AKAP13: variants seen among roughly 807,000 people sequenced by gnomAD.
AKAP13 encodes the protein A-kinase anchor protein 13.
Under a neutral mutation model 264.5 loss-of-function variants are expected in AKAP13, and 80 were observed. The ratio of observed to expected loss-of-function variants is 0.30; its 90% CI spans 0.25 to 0.36. The LOEUF is 0.36. Ranked by LOEUF, AKAP13 falls within the 10% of genes least tolerant of loss-of-function variation. AKAP13 has a pLI of 1.00. For synonymous variants in AKAP13, 1,380 were observed against 1,250.2 expected (o/e 1.10, Z -2.19); for missense variants, 3,712 against 3,435.2 (o/e 1.08, Z -2.01).
At chr15:85,734,843 G>C (rs1459487979) in intron 30 of AKAP13, 149 bp from the exon 31 acceptor site, 10 of 1,037,428 alleles carry the variant, frequency 9.6e-6, no homozygotes, top group African/African-American at 1.6e-5. Context: ...CATACCCTGA[G>C]CTGAGACCCT....
intron 1 of AKAP13, among the ~76,000 whole-genome samples, chr15:85,456,679 TAGC>T (rs772958229): frequency 9.2e-5 from 14 of 151,542 alleles, no homozygotes; most frequent in Non-Finnish European, 1.9e-4. Context: ...GCCTCCCGAG[TAGC>T]TGGGACTACA....
chr15:85,499,158 A>C (rs886327975), intron 2 of AKAP13, among the ~76,000 whole-genome samples: 1 of 152,210 alleles, frequency 6.6e-6, no homozygotes, highest in Non-Finnish European at 1.5e-5. Flanking sequence ...TAGCTTCCTG[A>C]GTAAATTATC....
intron 1 of AKAP13, among the ~76,000 whole-genome samples, chr15:85,443,780 T>A (rs1393719660): frequency 6.6e-6 from 1 of 150,748 alleles, no homozygotes; most frequent in Non-Finnish European, 1.5e-5. Context: ...AAAGTGTGTG[T>A]GTGTGTGTGT....
At chr15:85,617,664 A>C (rs1204037576) in intron 8 of AKAP13, among the ~76,000 whole-genome samples, 5 of 152,216 alleles carry the variant, frequency 3.3e-5, no homozygotes, top group Non-Finnish European at 5.9e-5. Flanking sequence ...TGAGGAACAA[A>C]CCATATTGAG....
rs34563964 is a variant in AKAP13, at chr15:85,692,110, A to G, written c.5290-1167A>G. ...CTTCCTGTCATCCGTGCATTCTCCT[A>G]TCCTCCCTGCCCTGCACCGTTGTCC... On this transcript the variant is annotated intron_variant, in intron 16 of 36. Transcript: ENST00000394518. Among the ~76,000 whole-genome samples the G allele has an allele frequency of 2.0e-3, 297 of 152,156 alleles. 1 individual carries two copies. Among genetic ancestry groups the G allele is most frequent in the Non-Finnish European group, 3.1e-3 (213 of 67,988 alleles).
At chr15:85,735,409 A>G (rs2088381476) in intron 31 of AKAP13, 151 bp from the exon 32 acceptor site, 1 of 849,142 alleles carries the variant, frequency 1.2e-6, no homozygotes, top group Non-Finnish European at 1.8e-6. Flanking sequence ...ATTATTAATA[A>G]TCACTTAGCT....
intron 10 of AKAP13, among the ~76,000 whole-genome samples, chr15:85,650,846 C>T (rs1166518441): frequency 7.4e-6 from 1 of 135,684 alleles, no homozygotes; most frequent in Non-Finnish European, 1.6e-5. Flanking sequence ...AAACTTAAAA[C>T]TGTGAACCAG....
intron 25 of AKAP13, among the ~76,000 whole-genome samples, chr15:85,722,779 A>G (rs914194004): frequency 6.6e-6 from 1 of 151,980 alleles, no homozygotes; most frequent in Non-Finnish European, 1.5e-5. Context: ...AAAAAAAAAA[A>G]CTTGGTTGCT....
Position 85,570,901 on chromosome 15 carries a change from C to T in AKAP13, c.663-4230C>T, listed in dbSNP as rs116365226. Among the ~76,000 whole-genome samples, 651 of 151,724 alleles carry T rather than the reference C, an allele frequency of 4.3e-3. 3 individuals carry two copies. Among genetic ancestry groups the T allele is most frequent in the African/African-American group, 0.015 (616 of 41,354 alleles). On this transcript the variant is annotated intron_variant, in intron 5 of 36. Transcript: ENST00000394518. ...GGCAGGAAGAAACAGAGCAAAACCTCGGTCTAGAAGAGGTATCCTGAAGTT... is the reference window on the plus strand; with the variant it reads ...GGCAGGAAGAAACAGAGCAAAACCTTGGTCTAGAAGAGGTATCCTGAAGTT...
In AKAP13 at chr15:85,719,242, T is replaced by A; in HGVS notation, c.6168T>A (p.Ile2056=). 1 of 1,614,136 alleles carries A rather than the reference T, an allele frequency of 6.2e-7. No individual in the cohort carries two copies. Among genetic ancestry groups the A allele is most frequent in the Non-Finnish European group, 8.5e-7 (1 of 1,180,016 alleles). ...ISIHSQFFQR[I]LERKKESLVD... ...TCCATAGCCAATTCTTCCAGAGGAT[T>A]CTGGAGCGGAAGAAGGAGTCTCTGG... is the stretch of plus-strand genomic sequence containing the variant. Residue 2056 remains isoleucine, a synonymous_variant, in exon 23 of 37, where the codon ATT becomes ATA. Transcript: ENST00000394518.
intron 2 of AKAP13, among the ~76,000 whole-genome samples, chr15:85,500,538 A>C (rs533380710): frequency 6.6e-6 from 1 of 152,358 alleles, no homozygotes; most frequent in South Asian, 2.1e-4. Context: ...GCTCCCTTCA[A>C]GTACAACATT....
chr15:85,671,799 C>T (rs1044684939), intron 14 of AKAP13, among the ~76,000 whole-genome samples: 18 of 152,110 alleles, frequency 1.2e-4, no homozygotes, highest in African/African-American at 3.9e-4. Flanking sequence ...TTCAGCTCAG[C>T]GTCCCCTCCT....
chr15:85,509,820 T>A (rs916249246), intron 2 of AKAP13, among the ~76,000 whole-genome samples: 6 of 152,232 alleles, frequency 3.9e-5, no homozygotes, highest in Non-Finnish European at 5.9e-5. Flanking sequence ...CGTCATTATA[T>A]CCAGTGTTTA....
chr15:85,691,713 T>C, intron 16 of AKAP13: 2 of 440,544 alleles, frequency 4.5e-6, no homozygotes, highest in Admixed American at 2.4e-5. Context: ...TCCCCTGTGC[T>C]TTGTACCTAG....
At chr15:85,636,499 A>G (rs930173051) in intron 8 of AKAP13, among the ~76,000 whole-genome samples, 7 of 152,228 alleles carry the variant, frequency 4.6e-5, no homozygotes, top group African/African-American at 1.4e-4. Context: ...TCTTTCACCA[A>G]TAAATATAAT....
intron 2 of AKAP13, among the ~76,000 whole-genome samples, chr15:85,511,349 C>T (rs2076412276): frequency 6.6e-6 from 1 of 152,134 alleles, no homozygotes; most frequent in African/African-American, 2.4e-5. Context: ...GGTTTTAGTT[C>T]TTAACTTAGT....
At chr15:85,703,205 A>G (rs1204030632) in intron 17 of AKAP13, among the ~76,000 whole-genome samples, 1 of 152,184 alleles carries the variant, frequency 6.6e-6, no homozygotes, top group Admixed American at 6.5e-5. Flanking sequence ...TCTGGCATTT[A>G]TAGTTCATTG....
rs148243142 is a variant in AKAP13 at position 85,601,228 on chromosome 15, A to G, written c.4161+15405A>G. 8.0e-3 allele frequency among the ~76,000 whole-genome samples: 1,216 copies of G among 152,330 alleles called. 8 individuals carry two copies. The highest frequency in any genetic ancestry group is 0.011 in the Non-Finnish European group (741 of 68,030). On this transcript the variant is annotated intron_variant, in intron 8 of 36. Coordinates refer to ENST00000394518, the MANE Select transcript of AKAP13 (RefSeq NM_007200.5). ...TTTGCCCTGGTCTTTCAAAAATGCA[A>G]TGAGACTTATTCAGCCATATAGTCC...
intron 1 of AKAP13, among the ~76,000 whole-genome samples, chr15:85,463,112 A>G (rs2074587984): frequency 6.6e-6 from 1 of 151,890 alleles, no homozygotes; most frequent in Admixed American, 6.6e-5. Context: ...ATCGCACTGT[A>G]GTTCAGTAAG....
Sources: allele counts gnomAD v4.1 joint callset (sites outside exome capture counted in the v4.1 genomes callset), GRCh38; gene constraint gnomAD v4.1.1; transcripts MANE v1.5; gene names NCBI Gene and HGNC (gene_info 2026-07-23, HGNC 2026-07-21).